Variants in SNTG2 observed in about 807,000 individuals in gnomAD.
The protein encoded by SNTG2 is gamma-2-syntrophin.
SNTG2 carries 74 observed loss-of-function variants against 70.9 expected under a neutral mutation model. The ratio of observed to expected loss-of-function variants is 1.04; its 90% CI spans 0.86 to 1.27. SNTG2 has a LOEUF of 1.27. SNTG2 is among the 50% of genes most tolerant of loss of function. The pLI is 0.00. For missense variants in SNTG2, 717 were observed against 690.7 expected, an observed-to-expected ratio of 1.04 and a Z score of -0.43; for synonymous variants, 278 against 273.8, an observed-to-expected ratio of 1.02 and a Z score of -0.15.
intron 7 of SNTG2, among the ~76,000 whole-genome samples, chr2:1,171,022 A>G (rs1165069752): frequency 1.3e-5 from 2 of 152,112 alleles, no homozygotes; most frequent in East Asian, 3.9e-4. Context: ...AATTTTTTTT[A>G]AGATTAGGTG....
At chr2:1,014,983 G>C (rs995917545) in intron 1 of SNTG2, among the ~76,000 whole-genome samples, 1 of 152,118 alleles carries the variant, frequency 6.6e-6, no homozygotes, top group African/African-American at 2.4e-5. Context: ...CGGGGGCCCC[G>C]GGAGGGGGCT....
At position 1,023,885 on chromosome 2, in the gene SNTG2, CA is replaced by C. The variant is rs540797567; in HGVS notation, c.73-59632del. ...CCTTGTCCTTGACTGGGACTGAAGACAGCACACCTGAAAGCTTTCCACGGAT... is the reference window on the plus strand; with the variant it reads ...CCTTGTCCTTGACTGGGACTGAAGACGCACACCTGAAAGCTTTCCACGGAT... On this transcript the variant is annotated intron_variant, in intron 1 of 16. Coordinates refer to ENST00000308624, the MANE Select transcript of SNTG2 (RefSeq NM_018968.4). Among the ~76,000 whole-genome samples the C allele has an allele frequency of 4.7e-3, 721 of 152,338 alleles. 4 individuals carry two copies. The highest frequency in any genetic ancestry group is 0.01 in the Middle Eastern group (3 of 294).
intron 1 of SNTG2, among the ~76,000 whole-genome samples, chr2:1,072,724 G>A (rs562056057): frequency 1.2e-4 from 19 of 152,188 alleles, no homozygotes; most frequent in South Asian, 4.2e-4. Flanking sequence ...AGTTATAGCC[G>A]CCATGGAGAG....
chr2:959,035 C>T (rs540279851), intron 1 of SNTG2, among the ~76,000 whole-genome samples: 1 of 152,124 alleles, frequency 6.6e-6, no homozygotes, highest in South Asian at 2.1e-4. Context: ...TTCTTTGTAG[C>T]AACAAAATGA....
intron 1 of SNTG2, among the ~76,000 whole-genome samples, chr2:984,133 G>A (rs138527905): frequency 4.3e-4 from 66 of 152,326 alleles, no homozygotes; most frequent in African/African-American, 1.5e-3. Flanking sequence ...TGGCATTGCA[G>A]AGGTGACGCT....
intron 7 of SNTG2, among the ~76,000 whole-genome samples, chr2:1,167,464 G>A (rs1282327685): frequency 1.5e-5 from 2 of 131,658 alleles, no homozygotes; most frequent in African/African-American, 6.0e-5. Flanking sequence ...CCTACAAGCC[G>A]CCCACAGACG....
At chr2:1,254,990 A>G (rs182752322) in intron 12 of SNTG2, among the ~76,000 whole-genome samples, 3 of 152,292 alleles carry the variant, frequency 2.0e-5, no homozygotes, top group African/African-American at 7.2e-5. Context: ...AAAGTGCCTC[A>G]GAGAGGTTCA....
At chr2:1,314,902 AC>A (rs1408583249) in intron 15 of SNTG2, among the ~76,000 whole-genome samples, 10 of 152,200 alleles carry the variant, frequency 6.6e-5, no homozygotes, top group Admixed American at 3.9e-4. Flanking sequence ...AGTCACTGTC[AC>A]GAGAACAGCA....
rs537297985 is a variant in SNTG2, at chr2:1,089,821, C to T, written c.210+6166C>T. On this transcript the variant is annotated intron_variant, in intron 2 of 16. Coordinates refer to ENST00000308624, the MANE Select transcript of SNTG2 (RefSeq NM_018968.4). ...TTTTTTAAGTATATAATTTTTCAAA[C>T]CTAAAAAAATTGAAGTGAGCAAACA... is the stretch of plus-strand genomic sequence containing the variant. Among the ~76,000 whole-genome samples the T allele has an allele frequency of 4.6e-5, 7 of 152,164 alleles. 2 individuals carry two copies. In the South Asian group the frequency reaches 1.5e-3, roughly 32 times the overall value.
At chr2:1,274,397 A>T (rs1397457704) in intron 14 of SNTG2, among the ~76,000 whole-genome samples, 1 of 152,264 alleles carries the variant, frequency 6.6e-6, no homozygotes, top group East Asian at 1.9e-4. Flanking sequence ...AGTGGAATTC[A>T]TCAACAGAAA....
At chr2:1,222,190 G>C (rs1338090630) in intron 9 of SNTG2, among the ~76,000 whole-genome samples, 2 of 145,140 alleles carry the variant, frequency 1.4e-5, no homozygotes, top group Admixed American at 1.4e-4. Context: ...TCCCTCTGCA[G>C]CCTCTCAGTC....
At chr2:1,206,050 TTCCTG>T (rs534391321) in intron 8 of SNTG2, among the ~76,000 whole-genome samples, 122 of 152,320 alleles carry the variant, frequency 8.0e-4, no homozygotes, top group Non-Finnish European at 1.5e-3. Context: ...GAGCTCTGCA[TTCCTG>T]TTGGAAGCAG....
rs1674847572 is a variant in SNTG2, at chr2:1,221,491, C to CTG, written c.719+12262_719+12263insGT. ...TCTCTCTGTCTCTCTCTCTCTCTGTCTCTCTCTGTCTCTCTCTCTCTCTCT... is the reference window on the plus strand; with the variant it reads ...TCTCTCTGTCTCTCTCTCTCTCTGTCTGTCTCTCTGTCTCTCTCTCTCTCTCT... On this transcript the variant is annotated intron_variant, in intron 9 of 16. Coordinates refer to ENST00000308624, the MANE Select transcript of SNTG2 (RefSeq NM_018968.4). Among the ~76,000 whole-genome samples, 56 of 52,896 alleles carry CTG rather than the reference C, an allele frequency of 1.1e-3. 11 individuals are homozygous for CTG. Among genetic ancestry groups the CTG allele is most frequent in the Non-Finnish European group, 1.5e-3 (44 of 28,848 alleles). 34.7% of individuals were successfully genotyped at this position (52,896 alleles called of 152,430 possible).
intron 9 of SNTG2, among the ~76,000 whole-genome samples, chr2:1,235,730 A>G (rs1676606029): frequency 6.6e-6 from 1 of 152,228 alleles, no homozygotes; most frequent in Non-Finnish European, 1.5e-5. Flanking sequence ...CCCCTGGCCC[A>G]CACTGGCACC....
chr2:1,151,963 T>C (rs777149398), intron 6 of SNTG2, among the ~76,000 whole-genome samples: 3 of 148,726 alleles, frequency 2.0e-5, no homozygotes, highest in Non-Finnish European at 4.5e-5. Flanking sequence ...ATACTCAATT[T>C]ACCAAATTCT....
At chr2:1,227,905 G>T (rs1474752170) in intron 9 of SNTG2, among the ~76,000 whole-genome samples, 4 of 152,212 alleles carry the variant, frequency 2.6e-5, no homozygotes, top group African/African-American at 9.6e-5. Context: ...TGCTGGGCAG[G>T]TCGGACTCCA....
chr2:1,121,497 G>A (rs1383943836), intron 4 of SNTG2, among the ~76,000 whole-genome samples: 1 of 152,184 alleles, frequency 6.6e-6, no homozygotes. Context: ...CTCTTCATCT[G>A]TATTAGTCCG....
chr2:1,311,179 A>G (rs1054494985), intron 15 of SNTG2, among the ~76,000 whole-genome samples: 2 of 152,190 alleles, frequency 1.3e-5, no homozygotes, highest in Non-Finnish European at 2.9e-5. Flanking sequence ...CTCTAGGTCA[A>G]CTTTGTGTAA....
chr2:1,268,145 T>C (rs1052129426), intron 14 of SNTG2, among the ~76,000 whole-genome samples: 1 of 152,156 alleles, frequency 6.6e-6, no homozygotes, highest in Non-Finnish European at 1.5e-5. Context: ...ATCCTCCTTA[T>C]CCTAAATAGC....
Sources: gnomAD v4.1 joint callset for allele counts (sites outside exome capture counted in the v4.1 genomes callset) on GRCh38, gnomAD v4.1.1 for gene constraint, MANE v1.5 for transcripts, NCBI Gene and HGNC (gene_info 2026-07-23, HGNC 2026-07-21) for gene names.